DCAF5: variants seen among roughly 807,000 people sequenced by gnomAD.
The protein encoded by DCAF5 is DDB1 and CUL4 associated factor 5.
In DCAF5, 9 loss-of-function variants were observed where a neutral mutation model predicts 80.7. The observed-to-expected ratio is 0.11, with a 90% CI of 0.07 to 0.19. The LOEUF is 0.19. Among genes scored for constraint, DCAF5 ranks in the 10% least tolerant of loss-of-function variants. DCAF5 has a pLI of 1.00. For synonymous variants in DCAF5, 433 were observed against 461.9 expected, an observed-to-expected ratio of 0.94 and a Z score of 0.80; for missense variants, 842 against 1,205.7, an observed-to-expected ratio of 0.70 and a Z score of 4.47.
Position 69,054,586 on chromosome 14 carries a change from G to A in DCAF5, c.2100C>T (p.Asp700=). ...DEGRAGTSHK[D]NPAPSSSKEA... ...CCTTACTGGAAGAAGGGGCTGGGTT[G>A]TCTTTGTGGCTGGTTCCTGCTCTCC... is the stretch of plus-strand genomic sequence containing the variant. The change falls in exon 9 of 9, where the codon GAC becomes GAT. Residue 700 remains aspartate (D), a synonymous_variant. Transcript: ENST00000341516. The A allele has an allele frequency of 6.2e-7, 1 of 1,614,172 alleles. No homozygotes were observed. The highest frequency in any genetic ancestry group is 8.5e-7 in the Non-Finnish European group (1 of 1,180,022).
At chr14:69,090,012 C>G (rs995976091) in intron 6 of DCAF5, 8 of 985,442 alleles carry the variant, frequency 8.1e-6, no homozygotes, top group Non-Finnish European at 9.6e-6. Context: ...TGTTGCTAAA[C>G]ACAACCTGAA....
At chr14:69,101,787 T>C (rs2039960897) in intron 5 of DCAF5, among the ~76,000 whole-genome samples, 1 of 152,200 alleles carries the variant, frequency 6.6e-6, no homozygotes, top group Non-Finnish European at 1.5e-5. Flanking sequence ...TATGTTATTA[T>C]ATGGAACACC....
At chr14:69,114,996 A>G (rs938356172) in intron 5 of DCAF5, among the ~76,000 whole-genome samples, 5 of 152,186 alleles carry the variant, frequency 3.3e-5, no homozygotes, top group African/African-American at 1.2e-4. Context: ...ATTCATTGCA[A>G]TTATAAGTAG....
chr14:69,060,537 CT>C (rs60838164), intron 8 of DCAF5, among the ~76,000 whole-genome samples: 55 of 147,510 alleles, frequency 3.7e-4, no homozygotes, highest in Admixed American at 4.7e-4. Context: ...TATTATATTT[CT>C]TTTTTTTTTT....
At chr14:69,076,861 G>A (rs1027763321) in intron 6 of DCAF5, among the ~76,000 whole-genome samples, 1 of 152,138 alleles carries the variant, frequency 6.6e-6, no homozygotes, top group Non-Finnish European at 1.5e-5. Flanking sequence ...GATCTTTCAC[G>A]TAAGGCCAAG....
intron 7 of DCAF5, among the ~76,000 whole-genome samples, chr14:69,067,101 C>A (rs2038473119): frequency 6.6e-6 from 1 of 152,178 alleles, no homozygotes; most frequent in Admixed American, 6.5e-5. Flanking sequence ...TTCATTGTTT[C>A]CCCTGCTAGA....
chr14:69,110,238 T>C (rs1457214307), intron 5 of DCAF5, among the ~76,000 whole-genome samples: 4 of 149,220 alleles, frequency 2.7e-5, no homozygotes, highest in African/African-American at 4.9e-5. Context: ...CTTTTTTTTT[T>C]CTGATCTGTT....
At chr14:69,079,079 C>T (rs2039005210) in intron 6 of DCAF5, among the ~76,000 whole-genome samples, 1 of 136,112 alleles carries the variant, frequency 7.3e-6, no homozygotes, top group African/African-American at 2.5e-5. Context: ...TCCTGCTACC[C>T]TGCCCCCCAT....
At chr14:69,093,619 G>A (rs1186629947) in intron 5 of DCAF5, among the ~76,000 whole-genome samples, 11 of 152,102 alleles carry the variant, frequency 7.2e-5, no homozygotes, top group Admixed American at 7.2e-4. Context: ...ACAGTACAAA[G>A]GCAGCTGCCA....
Position 69,054,875 on chromosome 14 carries a change from T to C in DCAF5, c.1811A>G (p.Lys604Arg). The change falls in exon 9 of 9, where the codon AAG (lysine) becomes AGG (arginine). Residue 604 changes from lysine to arginine, a missense_variant. Transcript: ENST00000341516. ...TTCTCCAATGTAAGTGTTGGTGGGC[T>C]TGATTGGGGCACTGGGCTTGTCTTC... ...TREDKPSAPI[K>R]PTNTYIGEDN... 1 of 1,614,168 alleles carries C rather than the reference T, an allele frequency of 6.2e-7. No individual in the cohort carries two copies. The highest frequency in any genetic ancestry group is 8.5e-7 in the Non-Finnish European group (1 of 1,180,026).
chr14:69,153,166 T>C (rs1414158549), upstream of DCAF5: 1 of 438,790 alleles, frequency 2.3e-6, no homozygotes, highest in Admixed American at 4.5e-5. Context: ...CCCCTCCCTC[T>C]CCTTCCCCCC....
intron 1 of DCAF5, among the ~76,000 whole-genome samples, chr14:69,125,980 T>C (rs1338220794): frequency 6.6e-6 from 1 of 152,140 alleles, no homozygotes; most frequent in Non-Finnish European, 1.5e-5. Flanking sequence ...GATTGTGAGA[T>C]ATAAGGTTAA....
chr14:69,074,191 G>A (rs201992810), intron 7 of DCAF5, among the ~76,000 whole-genome samples: 17 of 152,298 alleles, frequency 1.1e-4, no homozygotes, highest in East Asian at 5.8e-4. Context: ...CTATAGACAC[G>A]TTTTGTGTAA....
intron 8 of DCAF5, among the ~76,000 whole-genome samples, chr14:69,061,465 G>T (rs1164354115): frequency 4.6e-5 from 7 of 152,176 alleles, no homozygotes; most frequent in African/African-American, 1.7e-4. Context: ...ATCCTTCTGT[G>T]GACACAGGCC....
intron 7 of DCAF5, among the ~76,000 whole-genome samples, chr14:69,064,114 A>T (rs2038340727): frequency 6.6e-6 from 1 of 152,164 alleles, no homozygotes; most frequent in African/African-American, 2.4e-5. Flanking sequence ...GGTGGTATGA[A>T]AGGGAAGCTG....
chr14:69,097,353 T>C (rs370357378), intron 5 of DCAF5, among the ~76,000 whole-genome samples: 1 of 152,142 alleles, frequency 6.6e-6, no homozygotes, highest in Non-Finnish European at 1.5e-5. Context: ...TCACCTCTAG[T>C]TGGCAATAAT....
chr14:69,073,329 G>A (rs1043243369), intron 7 of DCAF5, among the ~76,000 whole-genome samples: 1 of 152,136 alleles, frequency 6.6e-6, no homozygotes, highest in Non-Finnish European at 1.5e-5. Flanking sequence ...GGTGGCCAAG[G>A]AAAGAGACAT....
intron 8 of DCAF5, among the ~76,000 whole-genome samples, chr14:69,062,054 C>T (rs1287700810): frequency 6.6e-6 from 1 of 151,852 alleles, no homozygotes; most frequent in Non-Finnish European, 1.5e-5. Context: ...ACCTTTCTTT[C>T]TTCTTTTTTT....
rs2139809279 is a variant in DCAF5 at position 69,051,617 on chromosome 14, G to A, written c.*2240C>T. 1 of 152,342 alleles carries A rather than the reference G, an allele frequency of 6.6e-6. No homozygotes were observed. The highest frequency in any genetic ancestry group is 6.5e-5 in the Admixed American group (1 of 15,304). 9.4% of individuals were successfully genotyped at this position (152,342 alleles called of 1,614,324 possible). ...TGATTTCTCTTTTGAGTACCCAAATGAGATTAAGGCTTTTAACATGAAAAG... is the reference window on the plus strand; with the variant it reads ...TGATTTCTCTTTTGAGTACCCAAATAAGATTAAGGCTTTTAACATGAAAAG... On this transcript the variant is annotated 3_prime_UTR_variant, in exon 9 of 9. Coordinates refer to ENST00000341516, the MANE Select transcript of DCAF5 (RefSeq NM_003861.3).
Sources: allele counts gnomAD v4.1 joint callset (sites outside exome capture counted in the v4.1 genomes callset), GRCh38; gene constraint gnomAD v4.1.1; transcripts MANE v1.5; gene names NCBI Gene and HGNC (gene_info 2026-07-23, HGNC 2026-07-21).